The following NEGR1 variants were observed in gnomAD, a reference collection of about 807,000 sequenced individuals.
NEGR1 encodes the protein neuronal growth regulator 1.
In NEGR1, 10 loss-of-function variants were observed where a neutral mutation model predicts 40.9. That is an observed-to-expected ratio of 0.24 (90% CI 0.15 to 0.42). NEGR1 has a LOEUF of 0.42. Ranked by LOEUF, NEGR1 falls within the 10% of genes least tolerant of loss-of-function variation. The probability of loss-of-function intolerance (pLI) is 1.00; values close to 1 mark genes in which losing one functional copy is unlikely to be tolerated. For missense variants in NEGR1, 352 were observed against 438.9 expected (o/e 0.80, Z 1.77); for synonymous variants, 185 against 166.8 (o/e 1.11, Z -0.84).
At chr1:71,506,301 C>T (rs989172129) in intron 6 of NEGR1, among the ~76,000 whole-genome samples, 11 of 152,142 alleles carry the variant, frequency 7.2e-5, no homozygotes, top group Admixed American at 2.6e-4. Flanking sequence ...TCCATCTGTT[C>T]GTAACAGTAG....
At chr1:71,587,664 GCACACACA>G (rs67250351) in intron 6 of NEGR1, among the ~76,000 whole-genome samples, 29 of 150,626 alleles carry the variant, frequency 1.9e-4, no homozygotes, top group East Asian at 1.4e-3. Context: ...ACACACACAT[GCACACACA>G]CACACACACA....
At chr1:72,278,009 A>T (rs1656117449) in intron 1 of NEGR1, among the ~76,000 whole-genome samples, 1 of 152,136 alleles carries the variant, frequency 6.6e-6, no homozygotes, top group Non-Finnish European at 1.5e-5. Context: ...AAAAAGGCAA[A>T]TGTTGTGAAC....
chr1:71,669,891 C>T (rs1026214292), intron 4 of NEGR1, among the ~76,000 whole-genome samples: 4 of 152,142 alleles, frequency 2.6e-5, no homozygotes, highest in African/African-American at 9.7e-5. Flanking sequence ...TCATGATCTG[C>T]CCACTTTGGC....
chr1:71,949,593 A>G (rs1413296473), intron 1 of NEGR1, among the ~76,000 whole-genome samples: 4 of 152,138 alleles, frequency 2.6e-5, no homozygotes. Flanking sequence ...ATAGGGTAAG[A>G]ATAGGTCAGG....
chr1:72,099,610 G>C lies in NEGR1; in HGVS notation c.177-164299C>G, dbSNP rs58252403. Among the ~76,000 whole-genome samples, 1,202 of 151,880 alleles carry C rather than the reference G, an allele frequency of 7.9e-3. 18 individuals are homozygous for C. Among genetic ancestry groups the C allele is most frequent in the African/African-American group, 0.028 (1,153 of 41,468 alleles). On this transcript the variant is annotated intron_variant, in intron 1 of 6. Transcript: ENST00000357731. ...CGCTCTGGTCCTGGTAAGTAGACTT[G>C]GTGAAAACTTTTCTCCTCACAGGTC...
Position 72,196,863 on chromosome 1 carries a change from A to G in NEGR1, c.176+85456T>C, listed in dbSNP as rs573192559. 5.3e-5 allele frequency among the ~76,000 whole-genome samples: 8 copies of G among 152,094 alleles called. No individual in the cohort carries two copies. In the South Asian group the frequency reaches 1.7e-3, roughly 32 times the overall value. On this transcript the variant is annotated intron_variant, in intron 1 of 6. Coordinates refer to ENST00000357731, the MANE Select transcript of NEGR1 (RefSeq NM_173808.3). ...AGATAATAAGGCATAGTGCCACAAAAAGTCATTTTAATAATTGAGAATGAA... is the reference window on the plus strand; with the variant it reads ...AGATAATAAGGCATAGTGCCACAAAGAGTCATTTTAATAATTGAGAATGAA...
rs112476805 is a variant in NEGR1, at chr1:72,200,317, C to T, written c.176+82002G>A. Among the ~76,000 whole-genome samples the T allele has an allele frequency of 6.6e-3, 1,006 of 152,014 alleles. 16 individuals are homozygous for T. Among genetic ancestry groups the T allele is most frequent in the African/African-American group, 0.023 (958 of 41,488 alleles). ...TAAAGAAAATTTATTACATATACACCATGAAATACTATGTAGCCATAAAAA... is the reference window on the plus strand; with the variant it reads ...TAAAGAAAATTTATTACATATACACTATGAAATACTATGTAGCCATAAAAA... On this transcript the variant is annotated intron_variant, in intron 1 of 6. Coordinates refer to ENST00000357731, the MANE Select transcript of NEGR1 (RefSeq NM_173808.3).
intron 3 of NEGR1, among the ~76,000 whole-genome samples, chr1:71,713,814 A>AAC (rs2101646105): frequency 6.6e-6 from 1 of 152,342 alleles, no homozygotes; most frequent in Non-Finnish European, 1.5e-5. Flanking sequence ...GTATACATAT[A>AAC]ACACACACAA....
intron 3 of NEGR1, among the ~76,000 whole-genome samples, chr1:71,735,360 T>C (rs545523236): frequency 6.6e-6 from 1 of 152,114 alleles, no homozygotes; most frequent in Admixed American, 6.6e-5. Flanking sequence ...CACCACTAAC[T>C]GTAAGCTGTT....
intron 6 of NEGR1, among the ~76,000 whole-genome samples, chr1:71,475,381 C>T (rs980287681): frequency 2.6e-5 from 4 of 152,040 alleles, no homozygotes; most frequent in African/African-American, 9.6e-5. Context: ...AAGTTTATGT[C>T]ACAAAAGATA....
intron 1 of NEGR1, among the ~76,000 whole-genome samples, chr1:72,002,115 G>A (rs1236924148): frequency 6.6e-6 from 1 of 151,742 alleles, no homozygotes; most frequent in African/African-American, 2.4e-5. Flanking sequence ...TTTGTTTTTT[G>A]ATTATATGTG....
chr1:71,917,466 A>G (rs530150767), intron 2 of NEGR1, among the ~76,000 whole-genome samples: 1 of 152,298 alleles, frequency 6.6e-6, no homozygotes, highest in African/African-American at 2.4e-5. Flanking sequence ...TGATAAGGCC[A>G]TATCAATTTT....
chr1:71,619,158 A>G (rs749249301), intron 4 of NEGR1, among the ~76,000 whole-genome samples: 2 of 152,322 alleles, frequency 1.3e-5, no homozygotes, highest in Non-Finnish European at 2.9e-5. Context: ...CTGGAGCTGT[A>G]CAGTAAAAAA....
At chr1:71,797,222 G>T (rs1346551485) in intron 2 of NEGR1, among the ~76,000 whole-genome samples, 1 of 152,058 alleles carries the variant, frequency 6.6e-6, no homozygotes, top group African/African-American at 2.4e-5. Flanking sequence ...TATGAATTAG[G>T]AATTATTAAC....
At chr1:72,010,604 C>A (rs551318772) in intron 1 of NEGR1, among the ~76,000 whole-genome samples, 2 of 151,722 alleles carry the variant, frequency 1.3e-5, no homozygotes, top group Non-Finnish European at 2.9e-5. Flanking sequence ...TATTCCTCTC[C>A]CTCCCCCCAA....
At chr1:72,202,192 T>A (rs114649459) in intron 1 of NEGR1, among the ~76,000 whole-genome samples, 1,965 of 152,060 alleles carry the variant, frequency 0.013, 43 homozygotes, top group African/African-American at 0.045. Context: ...TGCTCATATA[T>A]GACAGAAAAC....
At chr1:71,799,059 T>A (rs1299266392) in intron 2 of NEGR1, among the ~76,000 whole-genome samples, 2 of 151,904 alleles carry the variant, frequency 1.3e-5, no homozygotes, top group Non-Finnish European at 2.9e-5. Flanking sequence ...TTTTTTTTTT[T>A]ATTATACTAA....
At chr1:71,409,757 C>G (rs1210182783) in intron 6 of NEGR1, among the ~76,000 whole-genome samples, 1 of 151,936 alleles carries the variant, frequency 6.6e-6, no homozygotes, top group Non-Finnish European at 1.5e-5. Flanking sequence ...AGTAGATGCT[C>G]AAGAAATGTC....
At chr1:71,590,348 C>T (rs1649458633) in intron 6 of NEGR1, among the ~76,000 whole-genome samples, 1 of 152,060 alleles carries the variant, frequency 6.6e-6, no homozygotes, top group African/African-American at 2.4e-5. Flanking sequence ...TCTTTCATGA[C>T]CCTTGAGACT....
Sources: gnomAD v4.1 joint callset for allele counts (sites outside exome capture counted in the v4.1 genomes callset) on GRCh38, gnomAD v4.1.1 for gene constraint, MANE v1.5 for transcripts, NCBI Gene and HGNC (gene_info 2026-07-23, HGNC 2026-07-21) for gene names.